Variants in TDRD7 observed in about 807,000 individuals in gnomAD.
TDRD7 encodes tudor domain-containing protein 7.
TDRD7 carries 47 observed loss-of-function variants against 109.8 expected under a neutral mutation model. That is an observed-to-expected ratio of 0.43 (90% CI 0.34 to 0.55). TDRD7 has a LOEUF of 0.55. Among genes scored for constraint, TDRD7 ranks in the 20% least tolerant of loss-of-function variants. The pLI, the probability that TDRD7 is intolerant of heterozygous loss-of-function variation, is 0.03. For missense variants in TDRD7, 1,164 were observed against 1,319.2 expected (o/e 0.88, Z 1.82); for synonymous variants, 424 against 457.3 (o/e 0.93, Z 0.93).
intron 16 of TDRD7, among the ~76,000 whole-genome samples, chr9:97,494,813 C>T (rs975913214): frequency 4.6e-5 from 7 of 151,134 alleles, no homozygotes; most frequent in African/African-American, 1.7e-4. Flanking sequence ...CAGGCTCAAG[C>T]GATCCTCCTC....
At chr9:97,460,147 A>T (rs773838836) in intron 6 of TDRD7, 31 bp from the exon 7 acceptor site, 1 of 1,587,220 alleles carries the variant, frequency 6.3e-7, no homozygotes, top group Non-Finnish European at 8.7e-7. Flanking sequence ...TCACTGAAAT[A>T]TCTGTCATTT....
intron 5 of TDRD7, among the ~76,000 whole-genome samples, chr9:97,440,441 C>T (rs1387596909): frequency 6.6e-6 from 1 of 152,204 alleles, no homozygotes; most frequent in Non-Finnish European, 1.5e-5. Context: ...GAAGGTCTGG[C>T]CAGTTATGAG....
chr9:97,432,338 A>G, intron 4 of TDRD7, 100 bp downstream of exon 4: 2 of 1,069,898 alleles, frequency 1.9e-6, no homozygotes, highest in Non-Finnish European at 2.9e-6. Flanking sequence ...ATTTTATCTA[A>G]GTTCACATAT....
At chr9:97,434,699 T>G (rs958693689) in intron 4 of TDRD7, among the ~76,000 whole-genome samples, 1 of 152,190 alleles carries the variant, frequency 6.6e-6, no homozygotes, top group Non-Finnish European at 1.5e-5. Flanking sequence ...TGAAAACTTA[T>G]GTTAACACAA....
intron 1 of TDRD7, among the ~76,000 whole-genome samples, chr9:97,419,984 T>G (rs772968202): frequency 2.0e-5 from 3 of 152,138 alleles, no homozygotes; most frequent in Non-Finnish European, 2.9e-5. Context: ...CCCAGCATTA[T>G]TATAGATACT....
At chr9:97,416,125 T>C (rs997444002) in intron 1 of TDRD7, among the ~76,000 whole-genome samples, 4 of 152,230 alleles carry the variant, frequency 2.6e-5, no homozygotes, top group Non-Finnish European at 5.9e-5. Context: ...CTCACCAGCT[T>C]GGAGACCCAC....
chr9:97,478,680 T>C, intron 13 of TDRD7, 107 bp downstream of exon 13: 2 of 1,527,662 alleles, frequency 1.3e-6, no homozygotes, highest in Non-Finnish European at 1.8e-6. Context: ...TTTAAGAAAA[T>C]TGGAAATTGT....
At chr9:97,483,439 G>C (rs144646419) in intron 15 of TDRD7, 88 bp downstream of exon 15, 9 of 1,481,998 alleles carry the variant, frequency 6.1e-6, no homozygotes, top group Non-Finnish European at 8.3e-6. Flanking sequence ...GGGGGACTTC[G>C]AACTGTACTA....
chr9:97,452,534 G>A (rs1828516347), intron 6 of TDRD7, among the ~76,000 whole-genome samples: 1 of 152,212 alleles, frequency 6.6e-6, no homozygotes, highest in Admixed American at 6.5e-5. Context: ...GGTCATTAGA[G>A]TGGGATATGG....
chr9:97,424,914 A>G (rs1827961699), intron 1 of TDRD7, among the ~76,000 whole-genome samples: 1 of 150,808 alleles, frequency 6.6e-6, no homozygotes, highest in Non-Finnish European at 1.5e-5. Context: ...GTCTTATTAC[A>G]TTTTACCTTT....
In TDRD7 at chr9:97,456,179, A is replaced by G. The variant is rs552824562; in HGVS notation, c.856-3999A>G. The stretch of plus-strand genomic sequence containing the variant: ...ACTGCTCAAGGAAATAAGAGAGGAC[A>G]CAAACAAATGGAAAAATATTCCATC... On this transcript the variant is annotated intron_variant, in intron 6 of 16. Transcript: ENST00000355295. Among the ~76,000 whole-genome samples the G allele has an allele frequency of 3.3e-5, 5 of 152,366 alleles. No individual in the cohort carries two copies. The South Asian group carries it at 1.0e-3, about 32-fold the overall frequency.
intron 11 of TDRD7, among the ~76,000 whole-genome samples, chr9:97,474,288 G>A (rs1446263772): frequency 6.6e-6 from 1 of 152,038 alleles, no homozygotes; most frequent in African/African-American, 2.4e-5. Flanking sequence ...ATATGCTGTG[G>A]TTTCCAAATC....
In TDRD7 at chr9:97,441,684, C is replaced by T; in HGVS notation, c.664C>T (p.Pro222Ser). Residue 222 changes from proline (P) to serine (S), a missense_variant, in exon 6 of 17, where the codon CCC becomes TCC. Physicochemically the swap from Pro to Ser is moderately conservative, Grantham distance 74. This residue lies in a region of TDRD7 where 407 missense variants were observed against 394.0 expected (regional missense o/e 1.03). Transcript: ENST00000355295. ...SDNLNQTVEK[P>S]NVKPPASYTY... ...TAATTTAAATCAGACTGTTGAAAAA[C>T]CCAATGTCAAGCCTCCTGCCTCTTA... 3.1e-6 allele frequency: 5 copies of T among 1,611,876 alleles called. No homozygotes were observed. The highest frequency in any genetic ancestry group is 4.2e-6 in the Non-Finnish European group (5 of 1,179,498).
At chr9:97,463,743 CAGT>C (rs1335453800) in intron 7 of TDRD7, among the ~76,000 whole-genome samples, 1 of 152,168 alleles carries the variant, frequency 6.6e-6, no homozygotes, top group Non-Finnish European at 1.5e-5. Context: ...CGCAAGAAAA[CAGT>C]AGCCTGTTTT....
intron 4 of TDRD7, among the ~76,000 whole-genome samples, chr9:97,438,557 G>A (rs1027984993): frequency 1.3e-5 from 2 of 152,168 alleles, no homozygotes; most frequent in Non-Finnish European, 2.9e-5. Flanking sequence ...AGAGTCTAGT[G>A]TGGGAAACAG....
chr9:97,435,535 T>C, intron 4 of TDRD7, among the ~76,000 whole-genome samples: 1 of 151,440 alleles, frequency 6.6e-6, no homozygotes, highest in East Asian at 1.9e-4. Context: ...GCTTGAGAGA[T>C]TGAGGTGGGA....
In TDRD7 at chr9:97,496,012, A is replaced by C; in HGVS notation, c.*129A>C. The stretch of plus-strand genomic sequence containing the variant: ...GTGGGGGATTGAAAAGAATATGCTT[A>C]TGTTTGATGAAAGATATTTAACAAG... On this transcript the variant is annotated 3_prime_UTR_variant, in exon 17 of 17. Transcript: ENST00000355295. The C allele has an allele frequency of 4.0e-6, 3 of 741,326 alleles. No homozygotes were observed. The allele number at this position is 741,326 out of a possible 1,614,324, so 45.9% of individuals were successfully genotyped here.
intron 6 of TDRD7, among the ~76,000 whole-genome samples, chr9:97,448,996 T>C (rs951957551): frequency 5.9e-5 from 9 of 152,164 alleles, no homozygotes; most frequent in African/African-American, 2.2e-4. Flanking sequence ...TCAAGAACTT[T>C]TAAGTTTACA....
Position 97,446,198 on chromosome 9 carries a change from C to T in TDRD7, c.855+4323C>T, listed in dbSNP as rs566086690. On this transcript the variant is annotated intron_variant, in intron 6 of 16. Coordinates refer to ENST00000355295, the MANE Select transcript of TDRD7 (RefSeq NM_014290.3). ...TATTGAAAATTTCTACTCTCTGAAACGGGTAAAGAAACCTCTCCATTCTTA... is the reference window on the plus strand; with the variant it reads ...TATTGAAAATTTCTACTCTCTGAAATGGGTAAAGAAACCTCTCCATTCTTA... 8.5e-4 allele frequency among the ~76,000 whole-genome samples: 129 copies of T among 152,138 alleles called. 2 individuals carry two copies. The highest frequency in any genetic ancestry group is 2.2e-4 in the Non-Finnish European group (15 of 67,972).
Sources: gnomAD v4.1 joint callset for allele counts (sites outside exome capture counted in the v4.1 genomes callset) on GRCh38, gnomAD v4.1.1 for gene constraint, gnomAD v4.1.1 regional missense constraint, MANE v1.5 for transcripts, NCBI Gene and HGNC (gene_info 2026-07-23, HGNC 2026-07-21) for gene names.